Variants in SLC5A8 observed in about 807,000 individuals in gnomAD.
The protein encoded by SLC5A8 is solute carrier family 5 member 8.
Under a neutral mutation model 71.9 loss-of-function variants are expected in SLC5A8, and 55 were observed. The observed-to-expected ratio is 0.77, with a 90% CI of 0.62 to 0.96. The LOEUF is 0.96. SLC5A8 is among the 40% of genes least tolerant of loss of function. The pLI is 0.00. For missense variants in SLC5A8, 701 were observed against 745.3 expected (o/e 0.94, Z 0.69); for synonymous variants, 307 against 276.1 (o/e 1.11, Z -1.11).
At chr12:101,166,280 G>T (rs144293303) in intron 12 of SLC5A8, among the ~76,000 whole-genome samples, 1 of 152,220 alleles carries the variant, frequency 6.6e-6, no homozygotes, top group African/African-American at 2.4e-5. Context: ...AGTTTTCTTA[G>T]ATCTGTAGAC....
rs539954599 is a variant in SLC5A8 at position 101,176,593 on chromosome 12, T to C, written c.1233+3436A>G. The stretch of plus-strand genomic sequence containing the variant: ...CTGAAATCATAAAGAGTGTGTTCTC[T>C]GATCACAATAGAATCAAACTAGTAA... On this transcript the variant is annotated intron_variant, in intron 10 of 14. Coordinates refer to ENST00000536262, the MANE Select transcript of SLC5A8 (RefSeq NM_145913.5). Among the ~76,000 whole-genome samples, 68 of 152,212 alleles carry C rather than the reference T, an allele frequency of 4.5e-4. 1 individual carries two copies. The highest frequency in any genetic ancestry group is 1.6e-3 in the African/African-American group (68 of 41,574).
intron 13 of SLC5A8, among the ~76,000 whole-genome samples, chr12:101,161,496 T>A (rs1157252689): frequency 1.3e-5 from 2 of 152,146 alleles, no homozygotes; most frequent in Non-Finnish European, 2.9e-5. Context: ...AAAAAAAGCC[T>A]CCACACTATG....
At chr12:101,186,476 A>G (rs1369005317) in intron 7 of SLC5A8, among the ~76,000 whole-genome samples, 1 of 152,220 alleles carries the variant, frequency 6.6e-6, no homozygotes, top group Non-Finnish European at 1.5e-5. Flanking sequence ...GTCTTAGAAA[A>G]TAATTTTGGC....
intron 12 of SLC5A8, among the ~76,000 whole-genome samples, chr12:101,163,747 A>C (rs1298238451): frequency 6.6e-6 from 1 of 152,240 alleles, no homozygotes; most frequent in African/African-American, 2.4e-5. Context: ...AATGAAATTA[A>C]GAGAGTGTGA....
At chr12:101,208,156 A>G (rs1630255) in intron 1 of SLC5A8, among the ~76,000 whole-genome samples, 173 of 152,034 alleles carry the variant, frequency 1.1e-3, no homozygotes, top group Non-Finnish European at 1.9e-3. Context: ...CCAGTTTGTC[A>G]CTTCTGAGCA....
intron 1 of SLC5A8, among the ~76,000 whole-genome samples, chr12:101,205,171 G>C (rs1869626227): frequency 6.6e-6 from 1 of 152,142 alleles, no homozygotes; most frequent in Admixed American, 6.6e-5. Flanking sequence ...TTAAAGGCAG[G>C]ATACAAAGAC....
rs755017980 is a variant in SLC5A8, at chr12:101,209,685, A to G, written c.164T>C (p.Val55Ala). 1.2e-6 allele frequency: 2 copies of G among 1,613,580 alleles called. No homozygotes were observed. Among genetic ancestry groups the G allele is most frequent in the Non-Finnish European group, 1.7e-6 (2 of 1,180,046 alleles). ...AGCGGTGAGGGACAGCGCCACGGGC[A>G]CTGCGGTCATTCTGCGGCCGCCCAT... ...FLMGGRRMTA[V>A]PVALSLTASF... Residue 55 changes from valine (V) to alanine (A), a missense_variant, in exon 1 of 15, where the codon GTG becomes GCG. Val to Ala is a moderately conservative substitution (Grantham distance 64). Transcript: ENST00000536262.
At chr12:101,191,805 T>C (rs1363160503) in intron 5 of SLC5A8, among the ~76,000 whole-genome samples, 1 of 152,228 alleles carries the variant, frequency 6.6e-6, no homozygotes, top group Non-Finnish European at 1.5e-5. Flanking sequence ...TTGAAAAGTA[T>C]GAAACACAAA....
At position 101,157,361 on chromosome 12, in the gene SLC5A8, T is replaced by C; in HGVS notation, c.1751A>G (p.Asp584Gly). ...VLSYKSHPVE[D>G]GGTDNPAFNH... ...GAAAGCAGGATTATCAGTTCCACCA[T>C]CTTCCACTGGATGTGATTTATAGCT... Residue 584 changes from aspartate to glycine, a missense_variant, in exon 15 of 15, where the codon GAT becomes GGT. Transcript: ENST00000536262. 6.2e-7 allele frequency: 1 copy of C among 1,612,074 alleles called. No individual in the cohort carries two copies. The highest frequency in any genetic ancestry group is 8.5e-7 in the Non-Finnish European group (1 of 1,178,920).
At chr12:101,158,435 C>A (rs1390899631) in intron 13 of SLC5A8, 107 bp from the exon 14 acceptor site, 25 of 693,870 alleles carry the variant, frequency 3.6e-5, no homozygotes, top group Non-Finnish European at 6.0e-5. Flanking sequence ...CAACTCCATA[C>A]ATTCAAAAAA....
intron 2 of SLC5A8, 78 bp downstream of exon 2, chr12:101,204,422 C>G (rs1205399589): frequency 8.1e-7 from 1 of 1,230,996 alleles, no homozygotes; most frequent in Non-Finnish European, 1.2e-6. Context: ...TATGTGATTC[C>G]CAGGTAAGCT....
intron 10 of SLC5A8, among the ~76,000 whole-genome samples, chr12:101,170,849 T>C (rs553380803): frequency 2.0e-5 from 3 of 152,230 alleles, no homozygotes; most frequent in Admixed American, 6.5e-5. Flanking sequence ...ACCTCCTCCA[T>C]GATGTCAGTG....
chr12:101,188,120 G>A (rs559097119), intron 6 of SLC5A8, among the ~76,000 whole-genome samples: 1 of 152,284 alleles, frequency 6.6e-6, no homozygotes, highest in Non-Finnish European at 1.5e-5. Flanking sequence ...AATCCTGGCT[G>A]TACCATAAGT....
rs143120731 is a variant in SLC5A8, at chr12:101,180,033, A to C, written c.1229T>G (p.Leu410Trp). The change falls in exon 10 of 15, where the codon TTG becomes TGG. Residue 410 changes from leucine to tryptophan, a missense_variant. By Grantham distance (61) the Leu-to-Trp change is moderately conservative (BLOSUM62 -2). Coordinates refer to ENST00000536262, the MANE Select transcript of SLC5A8 (RefSeq NM_145913.5). The stretch of plus-strand genomic sequence containing the variant: ...CCTCCAGGGGCCAGCTCTCACCTGC[A>C]ACAAAGCTCCCATAAGTGACGCCAG... ...AALASLMGALLQAALSVFGMV... is the reference protein window; with the variant it reads ...AALASLMGALWQAALSVFGMV... The C allele has an allele frequency of 1.1e-4, 176 of 1,613,920 alleles. No homozygotes were observed. The highest frequency in any genetic ancestry group is 1.4e-4 in the Non-Finnish European group (168 of 1,179,918).
chr12:101,161,171 A>G (rs1221232031), intron 13 of SLC5A8, among the ~76,000 whole-genome samples: 1 of 148,830 alleles, frequency 6.7e-6, no homozygotes, highest in Non-Finnish European at 1.5e-5. Context: ...TCAATCAAGC[A>G]TAAGATAGAT....
chr12:101,178,516 C>A (rs543896943), intron 10 of SLC5A8, among the ~76,000 whole-genome samples: 489 of 152,196 alleles, frequency 3.2e-3, no homozygotes, highest in Non-Finnish European at 5.6e-3. Flanking sequence ...TAGACTCACA[C>A]AAATATGCCT....
At chr12:101,180,135 C>T (rs2051918676) in intron 9 of SLC5A8, 39 bp from the exon 10 acceptor site, 1 of 1,592,238 alleles carries the variant, frequency 6.3e-7, no homozygotes, top group African/African-American at 1.3e-5. Context: ...AAATCCACAC[C>T]CAGAGAATTA....
intron 3 of SLC5A8, among the ~76,000 whole-genome samples, chr12:101,195,940 C>T (rs1304736459): frequency 6.6e-6 from 1 of 152,098 alleles, no homozygotes; most frequent in Non-Finnish European, 1.5e-5. Flanking sequence ...CGTGATCCAC[C>T]TGCCTTAGCC....
At chr12:101,185,615 C>T (rs1868600011) in intron 7 of SLC5A8, among the ~76,000 whole-genome samples, 1 of 152,134 alleles carries the variant, frequency 6.6e-6, no homozygotes, top group African/African-American at 2.4e-5. Context: ...GTCTCCCTCT[C>T]TCACCCAGGT....
Sources: allele counts gnomAD v4.1 joint callset (sites outside exome capture counted in the v4.1 genomes callset), GRCh38; gene constraint gnomAD v4.1.1; transcripts MANE v1.5; gene names NCBI Gene and HGNC (gene_info 2026-07-23, HGNC 2026-07-21).